EHMT1: variants seen among roughly 807,000 people sequenced by gnomAD.
EHMT1 encodes euchromatic histone lysine methyltransferase 1.
Under a neutral mutation model 147.2 loss-of-function variants are expected in EHMT1, and 15 were observed. The observed-to-expected ratio is 0.10, with a 90% CI of 0.07 to 0.16. EHMT1 has a LOEUF of 0.16. Ranked by LOEUF, EHMT1 falls within the 10% of genes least tolerant of loss-of-function variation. EHMT1 has a pLI of 1.00. For missense variants in EHMT1, 1,587 were observed against 1,772.4 expected, an observed-to-expected ratio of 0.90 and a Z score of 1.88; for synonymous variants, 795 against 709.6, an observed-to-expected ratio of 1.12 and a Z score of -1.91.
intron 16 of EHMT1, 104 bp downstream of exon 16, chr9:137,791,074 C>T: frequency 6.3e-7 from 1 of 1,578,620 alleles, no homozygotes; most frequent in Non-Finnish European, 8.7e-7. Context: ...TTGGGGCCTT[C>T]ACACACTGAC....
At chr9:137,633,345 A>G (rs1014629828) in intron 1 of EHMT1, among the ~76,000 whole-genome samples, 1 of 151,414 alleles carries the variant, frequency 6.6e-6, no homozygotes, top group African/African-American at 2.4e-5. Flanking sequence ...ATACAGATCT[A>G]CTGATTAGAA....
chr9:137,674,372 T>G (rs556434080), intron 1 of EHMT1, among the ~76,000 whole-genome samples: 1 of 152,238 alleles, frequency 6.6e-6, no homozygotes, highest in East Asian at 1.9e-4. Flanking sequence ...TGATATAAAT[T>G]AAAACCCACA....
At chr9:137,641,204 G>T in intron 1 of EHMT1, 1 of 419,476 alleles carries the variant, frequency 2.4e-6, no homozygotes, top group Non-Finnish European at 4.7e-6. Flanking sequence ...GAACCTGTCT[G>T]GTTCCTCAGG....
chr9:137,705,172 T>C (rs1001913281), intron 1 of EHMT1, among the ~76,000 whole-genome samples: 1 of 152,092 alleles, frequency 6.6e-6, no homozygotes, highest in African/African-American at 2.4e-5. Context: ...AAAAATTGTT[T>C]GTAGAGATGG....
rs1170849987 is a variant in EHMT1, at chr9:137,828,241, G to T, written c.3541-6108G>T. 6.6e-6 allele frequency among the ~76,000 whole-genome samples: 1 copy of T among 152,004 alleles called. No individual in the cohort carries two copies. The highest frequency in any genetic ancestry group is 6.5e-5 in the Admixed American group (1 of 15,268). On this transcript the variant is annotated intron_variant, in intron 25 of 26. Coordinates refer to ENST00000460843, the MANE Select transcript of EHMT1 (RefSeq NM_024757.5). The surrounding 1 kb of genome is among the most constrained non-coding windows in gnomAD (Gnocchi z 5.3). The stretch of plus-strand genomic sequence containing the variant: ...CAAGGGGCATCAGCAGGGGTCAGAG[G>T]GGTGTGCCCAGGAGGAGCCCCTCTG...
Position 137,762,693 on chromosome 9 carries a change from A to T in EHMT1, c.1520A>T (p.Asp507Val). ...ACGTTAGGGTTGGCCAACGGTCCAG[A>T]TGTGCTGGAGACAGACGGCCTCCAG... ...SQAEGLANGP[D>V]VLETDGLQEV... The change falls in exon 10 of 27, where the codon GAT becomes GTT. Residue 507 changes from aspartate (D) to valine (V), a missense_variant. Physicochemically the swap from Asp to Val is radical, Grantham distance 152. This residue lies in a region of EHMT1 where 810 missense variants were observed against 673.0 expected (regional missense o/e 1.20). Transcript: ENST00000460843. The T allele has an allele frequency of 6.2e-7, 1 of 1,614,226 alleles. No individual in the cohort carries two copies. Among genetic ancestry groups the T allele is most frequent in the Non-Finnish European group, 8.5e-7 (1 of 1,180,046 alleles).
At chr9:137,784,280 C>T (rs1482324532) in intron 15 of EHMT1, 16 of 1,469,938 alleles carry the variant, frequency 1.1e-5, no homozygotes, top group Admixed American at 4.5e-5. Context: ...GGGCTGACTC[C>T]GCCTTTCAGA....
At position 137,790,915 on chromosome 9, in the gene EHMT1, A is replaced by C; in HGVS notation, c.2450A>C (p.Asn817Thr). The C allele has an allele frequency of 6.2e-7, 1 of 1,614,152 alleles. No homozygotes were observed. The highest frequency in any genetic ancestry group is 8.5e-7 in the Non-Finnish European group (1 of 1,180,030). Residue 817 changes from asparagine to threonine, a missense_variant, in exon 16 of 27, where the codon AAC becomes ACC. By Grantham distance (65) the Asn-to-Thr change is moderately conservative. Coordinates refer to ENST00000460843, the MANE Select transcript of EHMT1 (RefSeq NM_024757.5). Reference protein sequence around the residue: ...RTPLMEAAENNHLEAVKYLIK... With the variant: ...RTPLMEAAENTHLEAVKYLIK... The stretch of plus-strand genomic sequence containing the variant: ...CCGTTGATGGAAGCAGCCGAAAACA[A>C]CCATCTGGAAGCAGTGAAGTACCTC...
At chr9:137,689,458 A>G (rs181501447) in intron 1 of EHMT1, among the ~76,000 whole-genome samples, 26 of 152,194 alleles carry the variant, frequency 1.7e-4, no homozygotes, top group African/African-American at 6.3e-4. Flanking sequence ...TAATCCCAGC[A>G]CTTTGGGAGG....
intron 1 of EHMT1, chr9:137,675,099 CGGG>C (rs1381457862): frequency 6.6e-6 from 1 of 152,106 alleles, no homozygotes; most frequent in Non-Finnish European, 1.5e-5. Context: ...GGATTTGGCC[CGGG>C]GGCCGCACGC....
At chr9:137,761,647 C>T (rs567055451) in intron 9 of EHMT1, among the ~76,000 whole-genome samples, 192 of 151,958 alleles carry the variant, frequency 1.3e-3, no homozygotes, top group Middle Eastern at 3.4e-3. Context: ...TTAGTAGAGA[C>T]GGGGTTTCAC....
chr9:137,767,119 A>C (rs773492523), intron 10 of EHMT1, among the ~76,000 whole-genome samples: 2 of 152,048 alleles, frequency 1.3e-5, no homozygotes, highest in Non-Finnish European at 2.9e-5. Context: ...CACCGTGCCC[A>C]GCCTACTTTT....
At chr9:137,624,827 C>T (rs1033198552) in intron 1 of EHMT1, among the ~76,000 whole-genome samples, 1 of 151,702 alleles carries the variant, frequency 6.6e-6, no homozygotes, top group South Asian at 2.1e-4. Context: ...TGAACTCGGC[C>T]TCCTGAAGTT....
chr9:137,795,695 TGAC>T (rs1205921166), intron 16 of EHMT1, among the ~76,000 whole-genome samples: 1 of 152,194 alleles, frequency 6.6e-6, no homozygotes, highest in Non-Finnish European at 1.5e-5. Flanking sequence ...ACGATCCTAT[TGAC>T]GACCTGCTGT....
chr9:137,787,521 A>C lies in EHMT1; in HGVS notation c.2383-3327A>C. The stretch of plus-strand genomic sequence containing the variant: ...GCTCGGCCACGGCCACACGTGGGGT[A>C]GTTAGTAAACACCATGGACTCCCAG... On this transcript the variant is annotated intron_variant, in intron 15 of 26. Coordinates refer to ENST00000460843, the MANE Select transcript of EHMT1 (RefSeq NM_024757.5). This position sits in a 1 kb window ranked among gnomAD's most constrained non-coding sequence, Gnocchi z 4.2. The C allele has an allele frequency of 2.8e-6, 1 of 351,998 alleles. No individual in the cohort carries two copies. The highest frequency in any genetic ancestry group is 5.3e-6 in the Non-Finnish European group (1 of 187,998). 21.8% of individuals were successfully genotyped at this position (351,998 alleles called of 1,614,324 possible).
At chr9:137,700,144 A>G (rs933928557) in intron 1 of EHMT1, among the ~76,000 whole-genome samples, 7 of 152,212 alleles carry the variant, frequency 4.6e-5, no homozygotes, top group African/African-American at 1.7e-4. Flanking sequence ...GTATTTACCT[A>G]TAAAATACAT....
Position 137,813,683 on chromosome 9 carries a change from G to A in EHMT1, c.3180+153G>A, listed in dbSNP as rs900568118. ...CTCATTCTCTTTGTAGTTGCCTCCC[G>A]TGAAAGAGCTGGAAGGCAGATAAAG... On this transcript the variant is annotated intron_variant, in intron 21 of 26. Coordinates refer to ENST00000460843, the MANE Select transcript of EHMT1 (RefSeq NM_024757.5). The surrounding 1 kb of genome is among the most constrained non-coding windows in gnomAD (Gnocchi z 4.9). 2.0e-5 allele frequency among the ~76,000 whole-genome samples: 3 copies of A among 152,130 alleles called. No homozygotes were observed. Among genetic ancestry groups the A allele is most frequent in the Non-Finnish European group, 2.9e-5 (2 of 68,030 alleles).
chr9:137,717,305 T>C (rs1945429464), intron 3 of EHMT1, 123 bp downstream of exon 3: 1 of 1,311,386 alleles, frequency 7.6e-7, no homozygotes, highest in Admixed American at 2.0e-5. Flanking sequence ...ACAGGGCCTA[T>C]GAGGAGCTAG....
rs777059167 is a variant in EHMT1, at chr9:137,782,438, C to A, written c.2382+41C>A. 2.0e-6 allele frequency: 3 copies of A among 1,536,102 alleles called. No homozygotes were observed. The highest frequency in any genetic ancestry group is 2.6e-6 in the Non-Finnish European group (3 of 1,133,822). ...GCCCTCCTAGGGCTCTTCACCTGCTCTCTTTTATTTTTACCAAAGTAAAAT... is the reference window on the plus strand; with the variant it reads ...GCCCTCCTAGGGCTCTTCACCTGCTATCTTTTATTTTTACCAAAGTAAAAT... On this transcript the variant is annotated intron_variant, in intron 15 of 26. Transcript: ENST00000460843. This position sits in a 1 kb window ranked among gnomAD's most constrained non-coding sequence, Gnocchi z 5.7.
Sources: allele counts gnomAD v4.1 joint callset (sites outside exome capture counted in the v4.1 genomes callset), GRCh38; gene constraint gnomAD v4.1.1; regional missense constraint gnomAD v4.1.1; non-coding constraint Gnocchi (gnomAD v3.1); transcripts MANE v1.5; gene names NCBI Gene and HGNC (gene_info 2026-07-23, HGNC 2026-07-21).